Variants in RGS6 observed in about 807,000 individuals in gnomAD.
The protein encoded by RGS6 is regulator of G-protein signaling 6.
A neutral mutation model predicts 78.5 loss-of-function variants in RGS6; 30 were observed. The observed-to-expected ratio is 0.38, with a 90% CI of 0.29 to 0.52. The LOEUF (loss-of-function observed/expected upper bound fraction) is 0.52. RGS6 is among the 20% of genes least tolerant of loss of function. The pLI, the probability that RGS6 is intolerant of heterozygous loss-of-function variation, is 0.85. For missense variants in RGS6, 495 were observed against 609.7 expected (o/e 0.81, Z 1.98); for synonymous variants, 206 against 206.0 (o/e 1.00, Z 0.00).
intron 15 of RGS6, among the ~76,000 whole-genome samples, chr14:72,522,179 G>A (rs1389811268): frequency 6.6e-6 from 1 of 152,136 alleles, no homozygotes; most frequent in Non-Finnish European, 1.5e-5. Flanking sequence ...TTGCTGGTGA[G>A]GGCTCACTTC....
intron 3 of RGS6, among the ~76,000 whole-genome samples, chr14:72,404,284 G>T (rs1175959681): frequency 6.6e-6 from 1 of 152,196 alleles, no homozygotes; most frequent in African/African-American, 2.4e-5. Context: ...GATGCCTCAG[G>T]CTATGAAGCT....
At chr14:72,131,617 G>T (rs998963425) in intron 2 of RGS6, among the ~76,000 whole-genome samples, 2 of 152,180 alleles carry the variant, frequency 1.3e-5, no homozygotes, top group African/African-American at 2.4e-5. Flanking sequence ...CTAGCTTGGA[G>T]TTTGACCTTA....
intron 1 of RGS6, among the ~76,000 whole-genome samples, chr14:71,933,865 G>T (rs1354313440): frequency 6.6e-6 from 1 of 152,146 alleles, no homozygotes; most frequent in Non-Finnish European, 1.5e-5. Flanking sequence ...GGTGAGAGAT[G>T]GAAGAACTGG....
intron 2 of RGS6, among the ~76,000 whole-genome samples, chr14:72,217,865 A>G (rs1360693116): frequency 1.3e-5 from 2 of 152,202 alleles, no homozygotes; most frequent in Non-Finnish European, 2.9e-5. Flanking sequence ...CAGGTATTTT[A>G]AAAATGTATG....
intron 2 of RGS6, among the ~76,000 whole-genome samples, chr14:72,344,349 T>C (rs373979370): frequency 6.6e-6 from 1 of 152,158 alleles, no homozygotes. Context: ...GCACAGAACG[T>C]TGGGGAACTG....
chr14:72,437,769 G>A (rs541287377), intron 3 of RGS6, among the ~76,000 whole-genome samples: 47 of 152,110 alleles, frequency 3.1e-4, no homozygotes, highest in Non-Finnish European at 4.6e-4. Context: ...ATTCCACCCC[G>A]CAGTCTTCCA....
chr14:72,357,139 G>T (rs1416245450), intron 3 of RGS6, among the ~76,000 whole-genome samples: 1 of 152,040 alleles, frequency 6.6e-6, no homozygotes, highest in African/African-American at 2.4e-5. Flanking sequence ...AGTGGTAGTG[G>T]CACGCACCTG....
chr14:71,992,113 C>T (rs1566974920), intron 2 of RGS6, among the ~76,000 whole-genome samples: 1 of 151,858 alleles, frequency 6.6e-6, no homozygotes, highest in Non-Finnish European at 1.5e-5. Context: ...TCACTGCAAC[C>T]TCCACCTCCT....
intron 2 of RGS6, among the ~76,000 whole-genome samples, chr14:72,132,910 T>G (rs2096357832): frequency 6.6e-6 from 1 of 152,036 alleles, no homozygotes; most frequent in East Asian, 1.9e-4. Context: ...GAAGATTCAG[T>G]AAAAGGACAT....
At chr14:72,571,889 G>A in the RGS6 span, among the ~76,000 whole-genome samples, 2 of 152,144 alleles carry the variant, frequency 1.3e-5, no homozygotes, top group African/African-American at 4.8e-5. Flanking sequence ...TCCCAGATTG[G>A]GAGAAAATAT....
chr14:72,037,147 A>G (rs190973859), intron 2 of RGS6, among the ~76,000 whole-genome samples: 185 of 152,240 alleles, frequency 1.2e-3, no homozygotes, highest in Admixed American at 1.8e-3. Flanking sequence ...ATGTCTAGCT[A>G]AAGGATTGTA....
At chr14:72,137,372 C>T (rs144661559) in intron 2 of RGS6, among the ~76,000 whole-genome samples, 222 of 152,316 alleles carry the variant, frequency 1.5e-3, no homozygotes, top group African/African-American at 5.1e-3. Flanking sequence ...CAGCAGAATC[C>T]CACTGGATGT....
At chr14:71,878,117 A>T in the RGS6 span, among the ~76,000 whole-genome samples, 1 of 152,114 alleles carries the variant, frequency 6.6e-6, no homozygotes. Flanking sequence ...CAGTTAGGCT[A>T]CTCAGGAGCC....
chr14:71,888,901 G>A, the RGS6 span, among the ~76,000 whole-genome samples: 2 of 152,160 alleles, frequency 1.3e-5, 1 homozygote, highest in South Asian at 4.1e-4. Flanking sequence ...ACACTGAAAT[G>A]TATTGGATCC....
chr14:71,953,761 T>G (rs1327786636), intron 1 of RGS6, among the ~76,000 whole-genome samples: 1 of 152,188 alleles, frequency 6.6e-6, no homozygotes, highest in Non-Finnish European at 1.5e-5. Flanking sequence ...TTTACCTTTA[T>G]TCCTTCATCA....
chr14:72,601,171 G>T, the RGS6 span, among the ~76,000 whole-genome samples: 1 of 152,154 alleles, frequency 6.6e-6, no homozygotes, highest in East Asian at 1.9e-4. Flanking sequence ...CCGAAAGGGG[G>T]CTCAGCCAGT....
intron 2 of RGS6, among the ~76,000 whole-genome samples, chr14:71,984,357 T>C (rs1376994048): frequency 6.9e-6 from 1 of 145,902 alleles, no homozygotes; most frequent in Admixed American, 6.9e-5. Flanking sequence ...AGAGAGTTAG[T>C]GTGAGAGCTG....
chr14:72,372,748 G>A (rs1051824513), intron 3 of RGS6, among the ~76,000 whole-genome samples: 3 of 152,160 alleles, frequency 2.0e-5, no homozygotes, highest in Admixed American at 6.5e-5. Context: ...TGATGATTAG[G>A]GGTCCTACAA....
At chr14:72,312,711 C>A (rs936848057) in intron 2 of RGS6, among the ~76,000 whole-genome samples, 2 of 152,142 alleles carry the variant, frequency 1.3e-5, no homozygotes. Flanking sequence ...TATACACCTA[C>A]CGCAAAAGGT....
Sources: gnomAD v4.1 joint callset for allele counts (sites outside exome capture counted in the v4.1 genomes callset) on GRCh38, gnomAD v4.1.1 for gene constraint, MANE v1.5 for transcripts, NCBI Gene and HGNC (gene_info 2026-07-23, HGNC 2026-07-21) for gene names.